ZNF737: variants seen among roughly 807,000 people sequenced by gnomAD.
The protein encoded by ZNF737 is zinc finger protein 102 (Y3).
ZNF737 carries 13 observed loss-of-function variants against 11.7 expected under a neutral mutation model. That is an observed-to-expected ratio of 1.11 (90% CI 0.73 to 1.77). The LOEUF (loss-of-function observed/expected upper bound fraction) is 1.77. Ranked by LOEUF, ZNF737 falls within the 40% of genes most tolerant of loss-of-function variation. The pLI, the probability that ZNF737 is intolerant of heterozygous loss-of-function variation, is 0.00. For synonymous variants in ZNF737, 217 were observed against 216.2 expected (o/e 1.00, Z -0.03); for missense variants, 636 against 638.0 (o/e 1.00, Z 0.03).
At chr19:20,534,453 A>AT (rs1555753434), downstream of ZNF737, among the ~76,000 whole-genome samples, 6 of 144,626 alleles carry the variant, frequency 4.1e-5, 1 homozygote, top group Non-Finnish European at 6.1e-5. Flanking sequence ...AAAAGAAAAA[A>AT]TATCTATCTA....
chr19:20,563,182 T>TTTTTTTTTTTTGAGACGG (rs1555762915), intron 1 of ZNF737, among the ~76,000 whole-genome samples: 1 of 141,766 alleles, frequency 7.1e-6, no homozygotes, highest in African/African-American at 2.6e-5. Flanking sequence ...CCTTTCATCT[T>TTTTTTTTTTTTGAGACGG]AACCTCAGCT....
chr19:20,553,382 C>A (rs1968767615), intron 2 of ZNF737, among the ~76,000 whole-genome samples: 1 of 152,130 alleles, frequency 6.6e-6, no homozygotes, highest in Admixed American at 6.5e-5. Flanking sequence ...CCTCACCTTC[C>A]CAATTAGCTG....
intron 1 of ZNF737, among the ~76,000 whole-genome samples, chr19:20,559,932 C>T (rs573077839): frequency 7.8e-4 from 118 of 151,766 alleles, no homozygotes; most frequent in African/African-American, 2.5e-3. Flanking sequence ...TTTGGGAGGC[C>T]GAGGCGGGTG....
chr19:20,549,784 G>C (rs1367385172), intron 3 of ZNF737, among the ~76,000 whole-genome samples: 9 of 151,878 alleles, frequency 5.9e-5, no homozygotes, highest in Non-Finnish European at 1.0e-4. Context: ...ACAAAAATTA[G>C]CTGGGGACGG....
At position 20,553,695 on chromosome 19, in the gene ZNF737, A is replaced by G. The variant is rs1555759438; in HGVS notation, c.130+14T>C. On this transcript the variant is annotated intron_variant, in intron 2 of 3. Transcript: ENST00000427401. ...TTGTGTATATTATGAATTATGTATT[A>G]AAGTTTTTCTCACCAAGGAAGACCA... is the stretch of plus-strand genomic sequence containing the variant. 2 of 1,611,044 alleles carry G rather than the reference A, an allele frequency of 1.2e-6. No homozygotes were observed. Among genetic ancestry groups the G allele is most frequent in the East Asian group, 4.5e-5 (2 of 44,846 alleles).
rs58715059 is a variant in ZNF737, at chr19:20,549,929, CAAAAAAAA to C, written c.226+2538_226+2545del. ...TGGGTGACAGAGTGTGACTCCATCT[CAAAAAAAA>C]AAAAAAAAAAATTCTAGATAACTGC... On this transcript the variant is annotated intron_variant, in intron 3 of 3. Coordinates refer to ENST00000427401, the MANE Select transcript of ZNF737 (RefSeq NM_001159293.2). Among the ~76,000 whole-genome samples the C allele has an allele frequency of 3.5e-5, 4 of 113,516 alleles. No homozygotes were observed. The East Asian group carries it at 1.1e-3, about 30-fold the overall frequency. The allele number at this position is 113,516 out of a possible 152,430, so 74.5% of individuals were successfully genotyped here. A position where few individuals can be genotyped will look rare whatever the true frequency, so the allele number is the denominator to read the frequency against.
chr19:20,535,271 C>G (rs551522893), downstream of ZNF737, among the ~76,000 whole-genome samples: 5 of 151,772 alleles, frequency 3.3e-5, no homozygotes, highest in Admixed American at 6.6e-5. Flanking sequence ...GAATGAGACT[C>G]CATCTCAAAC....
intron 1 of ZNF737, among the ~76,000 whole-genome samples, chr19:20,563,580 G>A (rs1360552502): frequency 1.3e-5 from 2 of 148,358 alleles, no homozygotes; most frequent in African/African-American, 5.0e-5. Flanking sequence ...CTGCCTCCCC[G>A]GTTCAAGACC....
chr19:20,542,844 T>G lies in ZNF737; in HGVS notation c.*1748A>C, dbSNP rs35669331. ...GATCACATGCTTTCTCACATGTGAA[T>G]AGAAATAAAATAACAGCATAATTTG... On this transcript the variant is annotated 3_prime_UTR_variant, in exon 4 of 4. Transcript: ENST00000427401. 1.0e-6 allele frequency: 1 copy of G among 985,056 alleles called. No individual in the cohort carries two copies. The highest frequency in any genetic ancestry group is 4.7e-5 in the South Asian group (1 of 21,276). 61.0% of individuals were successfully genotyped at this position (985,056 alleles called of 1,614,324 possible). A position where few individuals can be genotyped will look rare whatever the true frequency, so the allele number is the denominator to read the frequency against.
At chr19:20,565,574 C>G (rs1479391826) in intron 1 of ZNF737, 64 bp downstream of exon 1, 40 of 1,613,554 alleles carry the variant, frequency 2.5e-5, no homozygotes, top group Non-Finnish European at 2.5e-5. Flanking sequence ...CCCGCCACAG[C>G]CACTTCCCAC....
intron 1 of ZNF737, among the ~76,000 whole-genome samples, chr19:20,555,515 G>A (rs2545954): frequency 0.24 from 36,085 of 152,082 alleles, 4,361 homozygotes; most frequent in South Asian, 0.33. Flanking sequence ...TCGGCATACA[G>A]CTAATGGAAC....
Position 20,552,345 on chromosome 19 carries a change from A to C in ZNF737, c.226+130T>G, listed in dbSNP as rs1205388047. 11 of 539,716 alleles carry C rather than the reference A, an allele frequency of 2.0e-5. No individual in the cohort carries two copies. The East Asian group carries it at 2.8e-4, about 14-fold the overall frequency. 33.4% of individuals were successfully genotyped at this position (539,716 alleles called of 1,614,324 possible). On this transcript the variant is annotated intron_variant, in intron 3 of 3. Coordinates refer to ENST00000427401, the MANE Select transcript of ZNF737 (RefSeq NM_001159293.2). ...AAATTTAAAAAAGAAAAAAAAAAAA[A>C]AAACAGCTCCCAGGAACTATTTTCT...
chr19:20,545,043 T>C lies in ZNF737; in HGVS notation c.1160A>G (p.His387Arg), dbSNP rs782218954. 20 of 1,613,834 alleles carry C rather than the reference T, an allele frequency of 1.2e-5. No homozygotes were observed. The South Asian group carries it at 1.3e-4, about 11-fold the overall frequency. ...TTTCTCTCCAGTATGAATTCTCTTA[T>C]GTGTAGTAAGGTGTGAGGACCAGTT... ...AFNWSSHLTT[H>R]KRIHTGEKPY... Residue 387 changes from histidine to arginine, a missense_variant, in exon 4 of 4, where the codon CAT becomes CGT. Coordinates refer to ENST00000427401, the MANE Select transcript of ZNF737 (RefSeq NM_001159293.2).
rs782305615 is a variant in ZNF737 at position 20,552,522 on chromosome 19, T to C, written c.179A>G (p.Lys60Arg). 3 of 1,595,376 alleles carry C rather than the reference T, an allele frequency of 1.9e-6. No individual in the cohort carries two copies. Among genetic ancestry groups the C allele is most frequent in the Non-Finnish European group, 2.6e-6 (3 of 1,173,892 alleles). Residue 60 changes from lysine to arginine, a missense_variant, in exon 3 of 4, where the codon AAA becomes AGA. By Grantham distance (26) the Lys-to-Arg change is conservative. Coordinates refer to ENST00000427401, the MANE Select transcript of ZNF737 (RefSeq NM_001159293.2). ...ATGTTTCTTCATGGTCAAAGGTTTT[T>C]TTCCTTGCTCCAGACAGGTGATGAG... ...PDLITCLEQG[K>R]KPLTMKKHEM...
At chr19:20,536,798 C>T (rs1555753959), downstream of ZNF737, among the ~76,000 whole-genome samples, 1 of 152,136 alleles carries the variant, frequency 6.6e-6, no homozygotes, top group Admixed American at 6.5e-5. Flanking sequence ...AAAAAATTAG[C>T]TGTGCATGGT....
At chr19:20,548,981 C>CAG (rs35448479) in intron 3 of ZNF737, among the ~76,000 whole-genome samples, 43,518 of 92,968 alleles carry the variant, frequency 0.47, 8,043 homozygotes, top group East Asian at 0.61. Flanking sequence ...AAAAAAAAAA[C>CAG]AATTATGTAT....
downstream of ZNF737, among the ~76,000 whole-genome samples, chr19:20,531,635 T>G (rs1555752869): frequency 1.1e-4 from 16 of 149,808 alleles, no homozygotes; most frequent in Non-Finnish European, 8.9e-5. Flanking sequence ...TCTTGTATTT[T>G]TTAGTAAAGA....
rs1478507083 is a variant in ZNF737 at position 20,543,162 on chromosome 19, T to C, written c.*1430A>G. Reference sequence around the variant, plus strand: ...TTTACTGCATCTGCAAAATTATATTTTAGCATAAACTCTCTGTTGTTTTCT... The same window carrying C: ...TTTACTGCATCTGCAAAATTATATTCTAGCATAAACTCTCTGTTGTTTTCT... On this transcript the variant is annotated 3_prime_UTR_variant, in exon 4 of 4. Transcript: ENST00000427401. The C allele has an allele frequency of 2.1e-6, 2 of 969,552 alleles. No individual in the cohort carries two copies. The highest frequency in any genetic ancestry group is 2.3e-4 in the East Asian group (2 of 8,750). 60.1% of individuals were successfully genotyped at this position (969,552 alleles called of 1,614,324 possible).
Position 20,565,667 on chromosome 19 carries a change from G to A in ZNF737, c.-27C>T, listed in dbSNP as rs1335168993. On this transcript the variant is annotated 5_prime_UTR_variant, in exon 1 of 4. It adds an upstream start codon to the 5' untranslated region. Transcript: ENST00000427401. ...TCTAGGCTTCCAGGGGCTCCCGGGC[G>A]TCTTAGCTGTGGATCTCCCAATACC... The A allele has an allele frequency of 5.0e-6, 8 of 1,614,154 alleles. No homozygotes were observed. The highest frequency in any genetic ancestry group is 1.7e-5 in the Admixed American group (1 of 60,018).
Sources: gnomAD v4.1 joint callset for allele counts (sites outside exome capture counted in the v4.1 genomes callset) on GRCh38, gnomAD v4.1.1 for gene constraint, MANE v1.5 for transcripts, NCBI Gene and HGNC (gene_info 2026-07-23, HGNC 2026-07-21) for gene names.